STXBP5L: variants seen among roughly 807,000 people sequenced by gnomAD.
STXBP5L encodes the protein syntaxin-binding protein 5-like.
STXBP5L carries 65 observed loss-of-function variants against 144.5 expected under a neutral mutation model. That is an observed-to-expected ratio of 0.45 (90% CI 0.37 to 0.55). The LOEUF (loss-of-function observed/expected upper bound fraction) is 0.55, where lower values mean the gene tolerates loss of function less well. Among genes scored for constraint, STXBP5L ranks in the 20% least tolerant of loss-of-function variants. The pLI is 0.00. For synonymous variants in STXBP5L, 505 were observed against 469.6 expected (o/e 1.08, Z -0.97); for missense variants, 1,298 against 1,405.5 (o/e 0.92, Z 1.22).
intron 19 of STXBP5L, among the ~76,000 whole-genome samples, chr3:121,297,907 T>C (rs747299037): frequency 2.6e-5 from 4 of 152,252 alleles, no homozygotes; most frequent in Non-Finnish European, 5.9e-5. Context: ...TGGTTGTTTC[T>C]TAGCTGTTAA....
intron 5 of STXBP5L, chr3:121,099,555 A>G (rs1370313355): frequency 6.5e-6 from 1 of 153,056 alleles, no homozygotes; most frequent in African/African-American, 2.4e-5. Context: ...ATCAATCAAT[A>G]TGACACACAT....
chr3:121,153,371 T>C (rs1559802242), intron 8 of STXBP5L, among the ~76,000 whole-genome samples: 1 of 152,030 alleles, frequency 6.6e-6, no homozygotes, highest in East Asian at 1.9e-4. Flanking sequence ...ATTAATTCAA[T>C]TTGAAAATGG....
At chr3:121,249,418 C>A (rs2049962667) in intron 14 of STXBP5L, among the ~76,000 whole-genome samples, 2 of 152,066 alleles carry the variant, frequency 1.3e-5, no homozygotes, top group Non-Finnish European at 2.9e-5. Flanking sequence ...ACAGATCTGG[C>A]ACAAATTGTG....
intron 22 of STXBP5L, among the ~76,000 whole-genome samples, chr3:121,393,740 G>T (rs778590738): frequency 1.2e-4 from 19 of 152,068 alleles, no homozygotes; most frequent in Admixed American, 3.9e-4. Flanking sequence ...TCAGTTAGTT[G>T]TAGGTATATA....
Position 121,108,068 on chromosome 3 carries a change from C to A in STXBP5L, c.471-6857C>A, listed in dbSNP as rs147998469. On this transcript the variant is annotated intron_variant, in intron 5 of 26. Coordinates refer to ENST00000471454, the MANE Select transcript of STXBP5L (RefSeq NM_001308330.2). Reference sequence around the variant, plus strand: ...TGATTTTGCACATTGATTTTGTATGCTGAGACTTTGCTGAAGTTGCTTATC... The same window carrying A: ...TGATTTTGCACATTGATTTTGTATGATGAGACTTTGCTGAAGTTGCTTATC... 2.5e-3 allele frequency among the ~76,000 whole-genome samples: 378 copies of A among 152,240 alleles called. 2 individuals are homozygous for A. Among genetic ancestry groups the A allele is most frequent in the African/African-American group, 8.5e-3 (355 of 41,550 alleles).
rs2107647943 is a variant in STXBP5L at position 120,939,715 on chromosome 3, C to G, written c.190-15225C>G. ...GTCGAACATAACGTTAAACATAACC[C>G]CATTCTTGTTTCTTTTAAGAAATAC... On this transcript the variant is annotated intron_variant, in intron 2 of 26. Coordinates refer to ENST00000471454, the MANE Select transcript of STXBP5L (RefSeq NM_001308330.2). Among the ~76,000 whole-genome samples, 2 of 152,116 alleles carry G rather than the reference C, an allele frequency of 1.3e-5. 1 individual carries two copies. Among genetic ancestry groups the G allele is most frequent in the South Asian group, 4.2e-4 (2 of 4,816 alleles).
At chr3:121,007,437 G>A (rs931305623) in intron 3 of STXBP5L, among the ~76,000 whole-genome samples, 8 of 151,970 alleles carry the variant, frequency 5.3e-5, no homozygotes, top group Admixed American at 5.3e-4. Flanking sequence ...TATTTGGGAA[G>A]AGTTTGTGTG....
intron 7 of STXBP5L, among the ~76,000 whole-genome samples, chr3:121,132,861 G>A (rs1275174351): frequency 6.6e-6 from 1 of 151,952 alleles, no homozygotes; most frequent in Admixed American, 6.6e-5. Flanking sequence ...TCACTAGAGG[G>A]GTCAATAGCA....
chr3:121,283,169 A>G (rs2051117900), intron 19 of STXBP5L, among the ~76,000 whole-genome samples: 1 of 152,062 alleles, frequency 6.6e-6, no homozygotes, highest in African/African-American at 2.4e-5. Flanking sequence ...TATACATTAT[A>G]CATTATATAC....
Position 121,421,671 on chromosome 3 carries a change from G to T in STXBP5L, c.*2574G>T, listed in dbSNP as rs913079419. 6.6e-6 allele frequency: 1 copy of T among 152,138 alleles called. No individual in the cohort carries two copies. Among genetic ancestry groups the T allele is most frequent in the Non-Finnish European group, 1.5e-5 (1 of 68,010 alleles). 9.4% of individuals were successfully genotyped at this position (152,138 alleles called of 1,614,324 possible). ...ATATGCAATAAGATACAATTTTGAA[G>T]AAAGCTTATAGGAATCAGTGAAAAA... is the stretch of plus-strand genomic sequence containing the variant. On this transcript the variant is annotated 3_prime_UTR_variant, in exon 27 of 27. Coordinates refer to ENST00000471454, the MANE Select transcript of STXBP5L (RefSeq NM_001308330.2).
At chr3:121,152,385 G>A in intron 7 of STXBP5L, 92 bp from the exon 8 acceptor site, 2 of 892,328 alleles carry the variant, frequency 2.2e-6, no homozygotes, top group Admixed American at 5.5e-5. Context: ...ATGTTATGTG[G>A]TATGATTTTA....
At chr3:121,354,294 C>CATTATT (rs1304710149) in intron 20 of STXBP5L, among the ~76,000 whole-genome samples, 1 of 152,046 alleles carries the variant, frequency 6.6e-6, no homozygotes, top group Non-Finnish European at 1.5e-5. Flanking sequence ...TAAAGTCTCC[C>CATTATT]ATTATTATTG....
At chr3:121,111,728 G>A (rs1347655189) in intron 5 of STXBP5L, among the ~76,000 whole-genome samples, 1 of 152,186 alleles carries the variant, frequency 6.6e-6, no homozygotes, top group Admixed American at 6.5e-5. Flanking sequence ...TCCACTTAAC[G>A]AAGCACTCTG....
chr3:121,002,884 C>T (rs1943909637), intron 3 of STXBP5L, among the ~76,000 whole-genome samples: 1 of 152,136 alleles, frequency 6.6e-6, no homozygotes, highest in Non-Finnish European at 1.5e-5. Context: ...AGAACATGAA[C>T]TCATCATTTT....
At chr3:121,199,625 A>G (rs2048059411) in intron 9 of STXBP5L, among the ~76,000 whole-genome samples, 1 of 152,194 alleles carries the variant, frequency 6.6e-6, no homozygotes, top group South Asian at 2.1e-4. Context: ...GGTTTTTCAT[A>G]AATAGCTTTT....
intron 2 of STXBP5L, among the ~76,000 whole-genome samples, chr3:120,929,456 C>T (rs930883666): frequency 1.1e-4 from 17 of 151,670 alleles, no homozygotes; most frequent in Non-Finnish European, 2.5e-4. Context: ...AATATAAACA[C>T]TTTTTGGTTG....
intron 5 of STXBP5L, among the ~76,000 whole-genome samples, chr3:121,087,494 T>G (rs1439258173): frequency 6.6e-6 from 1 of 152,080 alleles, no homozygotes; most frequent in African/African-American, 2.4e-5. Context: ...TATAGTGTCT[T>G]CTTTCTAGTG....
At chr3:121,017,747 C>G (rs947410453) in intron 3 of STXBP5L, among the ~76,000 whole-genome samples, 1 of 151,960 alleles carries the variant, frequency 6.6e-6, no homozygotes, top group Non-Finnish European at 1.5e-5. Context: ...TAACGAAAAT[C>G]AGAAGACTGA....
At chr3:121,027,033 T>G (rs1236155756) in intron 3 of STXBP5L, among the ~76,000 whole-genome samples, 1 of 151,864 alleles carries the variant, frequency 6.6e-6, no homozygotes, top group Non-Finnish European at 1.5e-5. Context: ...AAGTGGCATA[T>G]ATTGGTGTGG....
Sources: gnomAD v4.1 joint callset for allele counts (sites outside exome capture counted in the v4.1 genomes callset) on GRCh38, gnomAD v4.1.1 for gene constraint, MANE v1.5 for transcripts, NCBI Gene and HGNC (gene_info 2026-07-23, HGNC 2026-07-21) for gene names.